CHD7: variants seen among roughly 807,000 people sequenced by gnomAD.
The protein encoded by CHD7 is chromodomain helicase DNA binding protein 7, also known as ATP-dependent chromatin remodeler CHD7.
CHD7 carries 24 observed loss-of-function variants against 307.3 expected under a neutral mutation model. That is an observed-to-expected ratio of 0.08 (90% confidence interval 0.06 to 0.11). The LOEUF is 0.11. CHD7 is among the 10% of genes least tolerant of loss of function. CHD7 has a pLI of 1.00. For synonymous variants in CHD7, 1,363 were observed against 1,349.9 expected (o/e 1.01, Z -0.21); for missense variants, 3,106 against 3,727.1 (o/e 0.83, Z 4.34).
At chr8:60,819,341 A>C (rs1281731630) in intron 8 of CHD7, among the ~76,000 whole-genome samples, 1 of 152,132 alleles carries the variant, frequency 6.6e-6, no homozygotes, top group Non-Finnish European at 1.5e-5. Context: ...AAGATTGTTT[A>C]ATATATTGGT....
intron 1 of CHD7, among the ~76,000 whole-genome samples, chr8:60,735,382 A>G (rs1808652928): frequency 6.6e-6 from 1 of 152,188 alleles, no homozygotes. Context: ...GTAACCTAGT[A>G]ATATGAATGG....
intron 1 of CHD7, among the ~76,000 whole-genome samples, chr8:60,698,941 C>T (rs1355456695): frequency 6.6e-6 from 1 of 152,166 alleles, no homozygotes; most frequent in Non-Finnish European, 1.5e-5. Flanking sequence ...CACATACCAC[C>T]ATGCCTGGCT....
chr8:60,708,100 T>C (rs1412255074), intron 1 of CHD7, among the ~76,000 whole-genome samples: 1 of 152,168 alleles, frequency 6.6e-6, no homozygotes, highest in Non-Finnish European at 1.5e-5. Flanking sequence ...AAGTTTTGTA[T>C]TTAGGAACCA....
chr8:60,808,095 C>T (rs570414253), intron 6 of CHD7, 122 bp from the exon 7 acceptor site: 27 of 717,576 alleles, frequency 3.8e-5, no homozygotes, highest in Non-Finnish European at 5.5e-5. Context: ...GCTCATCTTA[C>T]GTGAAGGTCC....
At chr8:60,782,362 G>T (rs76757998) in intron 3 of CHD7, among the ~76,000 whole-genome samples, 178 of 152,298 alleles carry the variant, frequency 1.2e-3, no homozygotes, top group African/African-American at 4.1e-3. Flanking sequence ...TGAGATTGCT[G>T]CCCTGTGTGT....
chr8:60,733,812 T>G (rs1229147854), intron 1 of CHD7, among the ~76,000 whole-genome samples: 2 of 152,040 alleles, frequency 1.3e-5, no homozygotes, highest in East Asian at 3.8e-4. Flanking sequence ...ACTCAGAATA[T>G]CCAGAGTCTT....
At position 60,737,081 on chromosome 8, in the gene CHD7, A is replaced by G. The variant is rs540081888; in HGVS notation, c.-174-4178A>G. Among the ~76,000 whole-genome samples, 5 of 152,156 alleles carry G rather than the reference A, an allele frequency of 3.3e-5. No homozygotes were observed. The East Asian group carries it at 9.7e-4, about 29-fold the overall frequency. On this transcript the variant is annotated intron_variant, in intron 1 of 37. Coordinates refer to ENST00000423902, the MANE Select transcript of CHD7 (RefSeq NM_017780.4). ...TCAAAATATTAATATTTTCAGTGACATTTCTTTCATCTTGGTTTCTTGCGC... is the reference window on the plus strand; with the variant it reads ...TCAAAATATTAATATTTTCAGTGACGTTTCTTTCATCTTGGTTTCTTGCGC...
chr8:60,705,419 T>C (rs1461512268), intron 1 of CHD7, among the ~76,000 whole-genome samples: 1 of 152,232 alleles, frequency 6.6e-6, no homozygotes, highest in Non-Finnish European at 1.5e-5. Context: ...GCTTATTTGT[T>C]CTTTCACAGT....
chr8:60,823,443 G>A (rs1212015647), intron 12 of CHD7, among the ~76,000 whole-genome samples: 3 of 151,600 alleles, frequency 2.0e-5, no homozygotes, highest in Non-Finnish European at 4.4e-5. Flanking sequence ...AGATAGATGT[G>A]TGTGTGCATG....
intron 6 of CHD7, 150 bp from the exon 7 acceptor site, chr8:60,808,067 C>T (rs1484383263): frequency 1.6e-6 from 1 of 622,894 alleles, no homozygotes. Context: ...GCCCTGGCCA[C>T]CTCCCAGCAC....
At chr8:60,756,048 C>A (rs1232641116) in intron 2 of CHD7, among the ~76,000 whole-genome samples, 1 of 152,134 alleles carries the variant, frequency 6.6e-6, no homozygotes, top group East Asian at 1.9e-4. Context: ...GGCTGAAGAA[C>A]TGAAATTTTA....
At chr8:60,781,700 C>A (rs1811245042) in intron 3 of CHD7, among the ~76,000 whole-genome samples, 1 of 152,052 alleles carries the variant, frequency 6.6e-6, no homozygotes, top group African/African-American at 2.4e-5. Flanking sequence ...TATCATTTAG[C>A]AAATGGAATG....
At chr8:60,862,364 C>G in intron 36 of CHD7, 28 bp downstream of exon 36, 1 of 1,583,618 alleles carries the variant, frequency 6.3e-7, no homozygotes, top group Non-Finnish European at 8.6e-7. Context: ...GAATTGATCA[C>G]TATGCGATTT....
intron 1 of CHD7, among the ~76,000 whole-genome samples, chr8:60,694,251 G>A (rs1806344808): frequency 6.6e-6 from 1 of 152,234 alleles, no homozygotes; most frequent in Non-Finnish European, 1.5e-5. Flanking sequence ...AGAACCATGA[G>A]CAGGCAGATC....
At chr8:60,679,226 G>C (rs1314590579) in intron 1 of CHD7, 144 bp downstream of exon 1, 1 of 149,950 alleles carries the variant, frequency 6.7e-6, no homozygotes, top group Non-Finnish European at 1.5e-5. Flanking sequence ...CGAGGGGCGA[G>C]GGCGGGAGGG....
intron 28 of CHD7, 99 bp from the exon 29 acceptor site, chr8:60,851,920 C>T: frequency 2.6e-6 from 2 of 761,424 alleles, no homozygotes; most frequent in East Asian, 2.8e-5. Context: ...CTTTCCCACA[C>T]TGTCATTTGA....
chr8:60,861,612 A>G (rs1231003486), intron 35 of CHD7: 1 of 155,180 alleles, frequency 6.4e-6, no homozygotes, highest in Non-Finnish European at 1.4e-5. Context: ...AACGTTAGAC[A>G]GTTCATATCT....
chr8:60,690,686 A>T (rs1291880054), intron 1 of CHD7, among the ~76,000 whole-genome samples: 1 of 152,228 alleles, frequency 6.6e-6, no homozygotes, highest in African/African-American at 2.4e-5. Flanking sequence ...TGGAGCACAC[A>T]GGTGGTGATA....
At chr8:60,724,613 A>AGATC (rs1455887811) in intron 1 of CHD7, among the ~76,000 whole-genome samples, 2 of 152,174 alleles carry the variant, frequency 1.3e-5, no homozygotes, top group Non-Finnish European at 2.9e-5. Flanking sequence ...AGCCAGATCT[A>AGATC]GTTGGCTTTT....
Sources: gnomAD v4.1 joint callset for allele counts (sites outside exome capture counted in the v4.1 genomes callset) on GRCh38, gnomAD v4.1.1 for gene constraint, MANE v1.5 for transcripts, NCBI Gene and HGNC (gene_info 2026-07-23, HGNC 2026-07-21) for gene names.